SYT9: variants seen among roughly 807,000 people sequenced by gnomAD.
SYT9 encodes the protein synaptotagmin 9, also known as synaptotagmin-9.
A neutral mutation model predicts 48.4 loss-of-function variants in SYT9; 22 were observed. The observed-to-expected ratio is 0.45, with a 90% CI of 0.32 to 0.65. SYT9 has a LOEUF of 0.65. SYT9 is among the 30% of genes least tolerant of loss of function. The probability of loss-of-function intolerance (pLI) is 0.03; values close to 1 mark genes in which losing one functional copy is unlikely to be tolerated. For synonymous variants in SYT9, 265 were observed against 245.0 expected, an observed-to-expected ratio of 1.08 and a Z score of -0.76; for missense variants, 577 against 622.0, an observed-to-expected ratio of 0.93 and a Z score of 0.77.
intron 1 of SYT9, among the ~76,000 whole-genome samples, chr11:7,285,765 C>T (rs1421822975): frequency 6.6e-6 from 1 of 152,202 alleles, no homozygotes; most frequent in Non-Finnish European, 1.5e-5. Context: ...GGAAAATACA[C>T]CCATTTCAAA....
At chr11:7,418,609 TC>T (rs1847294996) in intron 5 of SYT9, among the ~76,000 whole-genome samples, 2 of 152,252 alleles carry the variant, frequency 1.3e-5, no homozygotes, top group African/African-American at 4.8e-5. Context: ...AAAGATTGTT[TC>T]CTTCTACTTA....
At chr11:7,299,078 T>C (rs974492161) in intron 1 of SYT9, among the ~76,000 whole-genome samples, 1 of 152,242 alleles carries the variant, frequency 6.6e-6, no homozygotes, top group African/African-American at 2.4e-5. Flanking sequence ...CTATTTTTAA[T>C]GTCATATATT....
chr11:7,267,301 GA>G (rs912671328), intron 1 of SYT9, among the ~76,000 whole-genome samples: 5 of 151,768 alleles, frequency 3.3e-5, no homozygotes, highest in African/African-American at 1.2e-4. Flanking sequence ...AAATAATAAA[GA>G]AAAATCATGT....
chr11:7,285,208 A>C (rs1487621582), intron 1 of SYT9, among the ~76,000 whole-genome samples: 2 of 152,188 alleles, frequency 1.3e-5, no homozygotes, highest in Non-Finnish European at 2.9e-5. Flanking sequence ...GAAATACCCA[A>C]GACTGGGTTA....
intron 3 of SYT9, among the ~76,000 whole-genome samples, chr11:7,381,874 G>A (rs1485174224): frequency 1.3e-5 from 2 of 152,130 alleles, no homozygotes; most frequent in African/African-American, 2.4e-5. Context: ...AGCTTCCTAC[G>A]TGGTGGATAT....
At chr11:7,321,585 A>G (rs1849338499) in intron 3 of SYT9, among the ~76,000 whole-genome samples, 1 of 152,238 alleles carries the variant, frequency 6.6e-6, no homozygotes, top group African/African-American at 2.4e-5. Flanking sequence ...GGCTTCACCC[A>G]GGAAATAATT....
At chr11:7,410,740 T>G (rs1564893997) in intron 3 of SYT9, among the ~76,000 whole-genome samples, 1 of 152,260 alleles carries the variant, frequency 6.6e-6, no homozygotes, top group East Asian at 1.9e-4. Flanking sequence ...ATATGTATCT[T>G]GACAGGTAAA....
chr11:7,411,330 C>T (rs1847133494), intron 3 of SYT9, among the ~76,000 whole-genome samples: 1 of 151,966 alleles, frequency 6.6e-6, no homozygotes, highest in Admixed American at 6.6e-5. Context: ...TTTGGTGTAC[C>T]AGTGAGTTTT....
At chr11:7,314,163 A>G (rs1439052317) in intron 3 of SYT9, 6 of 689,020 alleles carry the variant, frequency 8.7e-6, no homozygotes, top group Non-Finnish European at 1.6e-5. Flanking sequence ...AAAGAATAAC[A>G]TTCTCTCTTT....
intron 1 of SYT9, among the ~76,000 whole-genome samples, chr11:7,256,064 A>G (rs1373822595): frequency 6.6e-6 from 1 of 152,192 alleles, no homozygotes; most frequent in South Asian, 2.1e-4. Flanking sequence ...CTTCTCCATC[A>G]TACACCTTTG....
At chr11:7,348,196 CAT>C (rs1849838034) in intron 3 of SYT9, among the ~76,000 whole-genome samples, 1 of 152,204 alleles carries the variant, frequency 6.6e-6, no homozygotes, top group South Asian at 2.1e-4. Flanking sequence ...CCTTCAAAGA[CAT>C]ATACAACTCC....
chr11:7,384,014 A>G (rs895801408), intron 3 of SYT9, among the ~76,000 whole-genome samples: 18 of 151,922 alleles, frequency 1.2e-4, no homozygotes, highest in East Asian at 3.9e-4. Context: ...TTATATTTCT[A>G]TTGAATTTTA....
chr11:7,408,159 C>T (rs552688351), intron 3 of SYT9, among the ~76,000 whole-genome samples: 26 of 152,222 alleles, frequency 1.7e-4, no homozygotes, highest in East Asian at 1.2e-3. Flanking sequence ...GATGGAGTCT[C>T]GCTCTGTTGC....
chr11:7,384,291 C>G (rs1057505495), intron 3 of SYT9, among the ~76,000 whole-genome samples: 2 of 152,044 alleles, frequency 1.3e-5, no homozygotes, highest in African/African-American at 2.4e-5. Flanking sequence ...GATTTCCATT[C>G]TCTTATATCT....
chr11:7,436,487 A>G (rs774697783), intron 6 of SYT9, among the ~76,000 whole-genome samples: 3 of 152,232 alleles, frequency 2.0e-5, no homozygotes, highest in Admixed American at 6.5e-5. Flanking sequence ...TGGTGCTCCT[A>G]TATGTTTCTA....
chr11:7,402,396 G>T (rs573823164), intron 3 of SYT9, among the ~76,000 whole-genome samples: 1 of 151,820 alleles, frequency 6.6e-6, no homozygotes, highest in Non-Finnish European at 1.5e-5. Context: ...TTCTCTTTTC[G>T]TATGTTCAGT....
intron 1 of SYT9, among the ~76,000 whole-genome samples, chr11:7,264,668 C>G (rs1206405187): frequency 3.3e-5 from 5 of 152,080 alleles, no homozygotes; most frequent in African/African-American, 4.8e-5. Flanking sequence ...TCTGGAGGAG[C>G]TGCAACTGTT....
intron 1 of SYT9, among the ~76,000 whole-genome samples, chr11:7,285,993 G>T (rs1179954193): frequency 1.3e-5 from 2 of 152,166 alleles, no homozygotes; most frequent in African/African-American, 4.8e-5. Context: ...ACGGGCAGGT[G>T]TTTAGTGCCT....
upstream of SYT9, among the ~76,000 whole-genome samples, chr11:7,247,629 G>GTA (rs1167181575): frequency 2.5e-4 from 35 of 140,184 alleles, no homozygotes; most frequent in African/African-American, 8.5e-4. Flanking sequence ...GTATATATAC[G>GTA]TGTATATATA....
Sources: gnomAD v4.1 joint callset for allele counts (sites outside exome capture counted in the v4.1 genomes callset) on GRCh38, gnomAD v4.1.1 for gene constraint, MANE v1.5 for transcripts, NCBI Gene and HGNC (gene_info 2026-07-23, HGNC 2026-07-21) for gene names.